The following MDGA2 variants were observed in gnomAD, a reference collection of about 807,000 sequenced individuals.
MDGA2 encodes MAM domain-containing glycosylphosphatidylinositol anchor protein 2.
MDGA2 carries 40 observed loss-of-function variants against 117.8 expected under a neutral mutation model. The observed-to-expected ratio is 0.34, with a 90% CI of 0.26 to 0.44. MDGA2 has a LOEUF of 0.44. Ranked by LOEUF, MDGA2 falls within the 20% of genes least tolerant of loss-of-function variation. The pLI, the probability that MDGA2 is intolerant of heterozygous loss-of-function variation, is 1.00. For missense variants in MDGA2, 1,123 were observed against 1,250.6 expected, an observed-to-expected ratio of 0.90 and a Z score of 1.54; for synonymous variants, 452 against 439.0, an observed-to-expected ratio of 1.03 and a Z score of -0.37.
Position 47,249,026 on chromosome 14 carries a change from G to GT in MDGA2, c.421-30832dup, listed in dbSNP as rs60226550. On this transcript the variant is annotated intron_variant, in intron 2 of 16. Transcript: ENST00000399232. ...TTTCTTTTTTGTTGTTGTTGTTGTT[G>GT]TTTTTTGTTTTTCATGGAGTCTCGC... Among the ~76,000 whole-genome samples the GT allele has an allele frequency of 5.5e-3, 803 of 145,170 alleles. 6 individuals are homozygous for GT. The highest frequency in any genetic ancestry group is 0.019 in the African/African-American group (757 of 39,310).
At chr14:47,005,886 C>T (rs995697358) in intron 8 of MDGA2, among the ~76,000 whole-genome samples, 1 of 151,404 alleles carries the variant, frequency 6.6e-6, no homozygotes, top group Non-Finnish European at 1.5e-5. Flanking sequence ...TAAAACTATG[C>T]AAATCTATTG....
Position 47,012,476 on chromosome 14 carries a change from C to T in MDGA2, c.1819+22535G>A, listed in dbSNP as rs368062297. 7.9e-5 allele frequency among the ~76,000 whole-genome samples: 12 copies of T among 152,202 alleles called. No individual in the cohort carries two copies. In the South Asian group the frequency reaches 2.1e-3, roughly 26 times the overall value. ...AAATCAATCACCACTTTAGCTTTAACAAACTTAATAAGCTTAGTTCCTAGG... is the reference window on the plus strand; with the variant it reads ...AAATCAATCACCACTTTAGCTTTAATAAACTTAATAAGCTTAGTTCCTAGG... On this transcript the variant is annotated intron_variant, in intron 8 of 16. Coordinates refer to ENST00000399232, the MANE Select transcript of MDGA2 (RefSeq NM_001113498.3).
intron 14 of MDGA2, among the ~76,000 whole-genome samples, chr14:46,865,479 A>C (rs865799263): frequency 6.6e-6 from 1 of 152,188 alleles, no homozygotes; most frequent in African/African-American, 2.4e-5. Flanking sequence ...GAAAACTGGC[A>C]CAAGACAGGG....
intron 5 of MDGA2, among the ~76,000 whole-genome samples, chr14:47,098,437 T>C (rs540939793): frequency 5.3e-5 from 8 of 151,692 alleles, no homozygotes; most frequent in Admixed American, 3.9e-4. Flanking sequence ...TTAGCCCTTC[T>C]GAGGAGTTAA....
chr14:47,436,861 C>T (rs575140442), intron 1 of MDGA2, among the ~76,000 whole-genome samples: 21 of 152,218 alleles, frequency 1.4e-4, no homozygotes, highest in Non-Finnish European at 1.9e-4. Flanking sequence ...GTTCTTGATA[C>T]ATGCTCACTG....
intron 1 of MDGA2, among the ~76,000 whole-genome samples, chr14:47,551,445 C>T (rs1179379744): frequency 6.6e-6 from 1 of 152,170 alleles, no homozygotes; most frequent in African/African-American, 2.4e-5. Flanking sequence ...CTCACTTCTT[C>T]ACACCATACC....
chr14:46,860,107 G>C (rs1881449922), intron 14 of MDGA2, among the ~76,000 whole-genome samples: 1 of 151,886 alleles, frequency 6.6e-6, no homozygotes, highest in African/African-American at 2.4e-5. Flanking sequence ...ATATAAATAT[G>C]GGTATCCACT....
At chr14:47,172,338 T>A (rs1884188935) in intron 3 of MDGA2, among the ~76,000 whole-genome samples, 1 of 151,870 alleles carries the variant, frequency 6.6e-6, no homozygotes, top group East Asian at 1.9e-4. Flanking sequence ...ACCGGCAAAC[T>A]GCCTCCTCAA....
intron 1 of MDGA2, among the ~76,000 whole-genome samples, chr14:47,335,697 T>C (rs7146032): frequency 0.96 from 136,305 of 141,476 alleles, 65,956 homozygotes; most frequent in East Asian, 1. Context: ...TGTCAGATTA[T>C]ATGTATATGT....
At chr14:46,873,743 TA>T (rs1162472522) in intron 13 of MDGA2, 152 bp from the exon 14 acceptor site, 1 of 668,118 alleles carries the variant, frequency 1.5e-6, no homozygotes, top group Non-Finnish European at 2.4e-6. Flanking sequence ...TATATGTAAC[TA>T]ATAGTGGCTG....
At chr14:47,069,288 C>T (rs1890193982) in intron 6 of MDGA2, among the ~76,000 whole-genome samples, 1 of 152,190 alleles carries the variant, frequency 6.6e-6, no homozygotes, top group South Asian at 2.1e-4. Context: ...TTTACACTTT[C>T]CACTTCGTGT....
chr14:47,337,495 A>C (rs1239574525), intron 1 of MDGA2, among the ~76,000 whole-genome samples: 1 of 152,096 alleles, frequency 6.6e-6, no homozygotes, highest in East Asian at 1.9e-4. Flanking sequence ...AATTGAATTA[A>C]AAGAGAAAAA....
intron 1 of MDGA2, among the ~76,000 whole-genome samples, chr14:47,453,054 A>C (rs1395622608): frequency 6.6e-6 from 1 of 152,088 alleles, no homozygotes; most frequent in African/African-American, 2.4e-5. Context: ...AGTTATAAAA[A>C]TTATAATAAT....
chr14:46,990,856 ACACACACACC>A (rs1323953117), intron 8 of MDGA2, among the ~76,000 whole-genome samples: 5 of 131,644 alleles, frequency 3.8e-5, no homozygotes, highest in African/African-American at 1.2e-4. Context: ...GGATTAGAAC[ACACACACACC>A]CACACACACA....
rs535788103 is a variant in MDGA2 at position 47,490,669 on chromosome 14, A to G, written c.280+183848T>C. Among the ~76,000 whole-genome samples, 222 of 152,292 alleles carry G rather than the reference A, an allele frequency of 1.5e-3. 1 individual carries two copies. Among genetic ancestry groups the G allele is most frequent in the African/African-American group, 5.2e-3 (218 of 41,582 alleles). On this transcript the variant is annotated intron_variant, in intron 1 of 16. Transcript: ENST00000399232. ...TAAAGGTGTTAAATTGTAGAATTTT[A>G]AGAGAACAGGAATATGATGTAAGAA...
At chr14:47,236,728 C>T (rs1005335432) in intron 2 of MDGA2, among the ~76,000 whole-genome samples, 8 of 151,976 alleles carry the variant, frequency 5.3e-5, no homozygotes, top group African/African-American at 1.9e-4. Flanking sequence ...TTAAAATACC[C>T]AATAATCAAC....
At chr14:47,224,000 A>G (rs1266459885) in intron 2 of MDGA2, among the ~76,000 whole-genome samples, 2 of 152,138 alleles carry the variant, frequency 1.3e-5, no homozygotes, top group African/African-American at 2.4e-5. Context: ...TGATTCAATT[A>G]TCTCTCACTG....
intron 8 of MDGA2, among the ~76,000 whole-genome samples, chr14:46,970,276 C>T (rs1886213197): frequency 1.3e-5 from 2 of 151,954 alleles, no homozygotes; most frequent in Non-Finnish European, 2.9e-5. Flanking sequence ...TTAAAGGCAT[C>T]ATATTACCTA....
intron 1 of MDGA2, among the ~76,000 whole-genome samples, chr14:47,533,527 T>C (rs753490782): frequency 6.6e-6 from 1 of 152,218 alleles, no homozygotes; most frequent in African/African-American, 2.4e-5. Context: ...AAATAGGAGA[T>C]GATGTCTCTT....
Sources: gnomAD v4.1 joint callset for allele counts (sites outside exome capture counted in the v4.1 genomes callset) on GRCh38, gnomAD v4.1.1 for gene constraint, MANE v1.5 for transcripts, NCBI Gene and HGNC (gene_info 2026-07-23, HGNC 2026-07-21) for gene names.